GALNT17: variants seen among roughly 807,000 people sequenced by gnomAD.
GALNT17 encodes the protein polypeptide N-acetylgalactosaminyltransferase 17.
GALNT17 carries 29 observed loss-of-function variants against 63.7 expected under a neutral mutation model. The observed-to-expected ratio is 0.46, with a 90% CI of 0.34 to 0.62. The LOEUF is 0.62. Among genes scored for constraint, GALNT17 ranks in the 20% least tolerant of loss-of-function variants. The pLI is 0.01. For missense variants in GALNT17, 603 were observed against 799.6 expected (o/e 0.75, Z 2.97); for synonymous variants, 305 against 318.3 (o/e 0.96, Z 0.45).
At chr7:71,535,258 G>A (rs1788785527) in intron 5 of GALNT17, among the ~76,000 whole-genome samples, 1 of 152,264 alleles carries the variant, frequency 6.6e-6, no homozygotes, top group Non-Finnish European at 1.5e-5. Context: ...TCTAGCAATA[G>A]GTTGCCTGAA....
intron 2 of GALNT17, among the ~76,000 whole-genome samples, chr7:71,370,713 C>T (rs1792606059): frequency 6.6e-6 from 1 of 152,104 alleles, no homozygotes; most frequent in African/African-American, 2.4e-5. Flanking sequence ...ATTGATCTGC[C>T]CACCTCAGCC....
intron 5 of GALNT17, among the ~76,000 whole-genome samples, chr7:71,561,376 A>T (rs2116854106): frequency 6.6e-6 from 1 of 152,282 alleles, no homozygotes; most frequent in African/African-American, 2.4e-5. Flanking sequence ...TACTACGAAA[A>T]CACTCAGTAC....
intron 6 of GALNT17, among the ~76,000 whole-genome samples, chr7:71,592,950 C>A (rs959488674): frequency 1.3e-5 from 2 of 152,040 alleles, no homozygotes; most frequent in Non-Finnish European, 2.9e-5. Flanking sequence ...AGTTCGAGAC[C>A]AGCCTGGGCA....
chr7:71,403,921 G>C (rs1402429378), intron 3 of GALNT17, among the ~76,000 whole-genome samples: 1 of 152,084 alleles, frequency 6.6e-6, no homozygotes, highest in Non-Finnish European at 1.5e-5. Flanking sequence ...CAATATCACC[G>C]TAAATAAGAA....
chr7:71,199,057 G>A (rs1441491132), intron 1 of GALNT17, among the ~76,000 whole-genome samples: 1 of 152,064 alleles, frequency 6.6e-6, no homozygotes, highest in Admixed American at 6.6e-5. Context: ...CCTCTATGTG[G>A]CCGCGGCCTC....
intron 1 of GALNT17, among the ~76,000 whole-genome samples, chr7:71,290,125 C>T (rs1790953869): frequency 6.6e-6 from 1 of 152,170 alleles, no homozygotes; most frequent in African/African-American, 2.4e-5. Context: ...TTAGTATATG[C>T]ATGATAGCAT....
In GALNT17 at chr7:71,656,217, C is replaced by T. The variant is rs565459917; in HGVS notation, c.1081-9194C>T. Among the ~76,000 whole-genome samples the T allele has an allele frequency of 5.3e-5, 8 of 152,054 alleles. No individual in the cohort carries two copies. In the South Asian group the frequency reaches 6.2e-4, roughly 12 times the overall value. ...AAGGGAGAAAGTAATTTTTTTTGCACGCCCACATGCTGGCAGGATCATGCA... is the reference window on the plus strand; with the variant it reads ...AAGGGAGAAAGTAATTTTTTTTGCATGCCCACATGCTGGCAGGATCATGCA... On this transcript the variant is annotated intron_variant, in intron 6 of 10. Coordinates refer to ENST00000333538, the MANE Select transcript of GALNT17 (RefSeq NM_022479.3).
chr7:71,330,276 G>T (rs577879727), intron 1 of GALNT17, among the ~76,000 whole-genome samples: 1 of 152,316 alleles, frequency 6.6e-6, no homozygotes, highest in East Asian at 1.9e-4. Flanking sequence ...GCCTCCCAAA[G>T]TGCTGGGATT....
intron 1 of GALNT17, among the ~76,000 whole-genome samples, chr7:71,209,734 G>T (rs1789340870): frequency 1.3e-5 from 2 of 151,928 alleles, no homozygotes; most frequent in Admixed American, 1.3e-4. Context: ...CTGCTGATAA[G>T]GACATACCCG....
At chr7:71,171,244 T>C (rs931100402) in intron 1 of GALNT17, among the ~76,000 whole-genome samples, 1 of 152,190 alleles carries the variant, frequency 6.6e-6, no homozygotes, top group African/African-American at 2.4e-5. Flanking sequence ...CTTGGGCATG[T>C]TGGCCCACAC....
chr7:71,629,400 C>CAGT (rs1289253439), intron 6 of GALNT17, among the ~76,000 whole-genome samples: 3 of 152,200 alleles, frequency 2.0e-5, no homozygotes, highest in East Asian at 1.9e-4. Context: ...GAAGACATTA[C>CAGT]AAACTCAGAA....
At chr7:71,288,215 C>CAAAAAAA (rs59555320) in intron 1 of GALNT17, among the ~76,000 whole-genome samples, 17 of 83,820 alleles carry the variant, frequency 2.0e-4, no homozygotes, top group African/African-American at 6.4e-4. Flanking sequence ...GACTCCATCT[C>CAAAAAAA]AAAAAAAAAA....
intron 1 of GALNT17, among the ~76,000 whole-genome samples, chr7:71,156,669 C>T (rs1365276831): frequency 6.9e-6 from 1 of 144,040 alleles, no homozygotes; most frequent in African/African-American, 2.7e-5. Flanking sequence ...TTCCTTCTTC[C>T]CTCCCTCCCT....
At chr7:71,344,631 T>C (rs1429184310) in intron 2 of GALNT17, among the ~76,000 whole-genome samples, 1 of 152,138 alleles carries the variant, frequency 6.6e-6, no homozygotes, top group Non-Finnish European at 1.5e-5. Flanking sequence ...GGTAGCAGGA[T>C]GGCTAAATAT....
At chr7:71,525,392 G>A (rs1217556354) in intron 5 of GALNT17, among the ~76,000 whole-genome samples, 2 of 151,966 alleles carry the variant, frequency 1.3e-5, no homozygotes, top group Non-Finnish European at 2.9e-5. Flanking sequence ...ATTTTTAGTA[G>A]AGACGGGGTT....
intron 1 of GALNT17, among the ~76,000 whole-genome samples, chr7:71,334,036 A>G (rs762467543): frequency 6.6e-6 from 1 of 152,138 alleles, no homozygotes; most frequent in East Asian, 1.9e-4. Context: ...GGAGTACTCT[A>G]ATTCTCCGCC....
At chr7:71,682,123 C>T (rs914725062) in intron 9 of GALNT17, among the ~76,000 whole-genome samples, 7 of 151,922 alleles carry the variant, frequency 4.6e-5, no homozygotes, top group Non-Finnish European at 1.0e-4. Flanking sequence ...GATGGTGTTT[C>T]GCCACGTTGG....
intron 1 of GALNT17, among the ~76,000 whole-genome samples, chr7:71,185,561 C>T (rs1436139165): frequency 3.8e-5 from 5 of 132,798 alleles, no homozygotes; most frequent in Admixed American, 8.8e-5. Flanking sequence ...CTGGCTCTGT[C>T]GCCCAGGCTG....
In GALNT17 at chr7:71,217,166, G is replaced by C. The variant is rs1449408836; in HGVS notation, c.238+84126G>C. ...TTTTGTTTTTTTTTTTTTTTTTTTT[G>C]AGATAGAGTTTTGCCATGTGGCCCA... On this transcript the variant is annotated intron_variant, in intron 1 of 10. Transcript: ENST00000333538. 1.1e-4 allele frequency among the ~76,000 whole-genome samples: 5 copies of C among 46,990 alleles called. No individual in the cohort carries two copies. The South Asian group carries it at 3.8e-3, about 36-fold the overall frequency. 30.8% of individuals were successfully genotyped at this position (46,990 alleles called of 152,430 possible).
Sources: allele counts gnomAD v4.1 joint callset (sites outside exome capture counted in the v4.1 genomes callset), GRCh38; gene constraint gnomAD v4.1.1; transcripts MANE v1.5; gene names NCBI Gene and HGNC (gene_info 2026-07-23, HGNC 2026-07-21).